DDB2: variants seen among roughly 807,000 people sequenced by gnomAD.
DDB2 encodes damage specific DNA binding protein 2, also known as DNA damage-binding protein 2.
DDB2 carries 27 observed loss-of-function variants against 50.5 expected under a neutral mutation model. The ratio of observed to expected loss-of-function variants is 0.53; its 90% CI spans 0.39 to 0.74. DDB2 has a LOEUF of 0.74. DDB2 is among the 30% of genes least tolerant of loss of function. The pLI is 0.00. For missense variants in DDB2, 424 were observed against 545.6 expected (o/e 0.78, Z 2.22); for synonymous variants, 176 against 205.5 (o/e 0.86, Z 1.23).
intron 3 of DDB2, among the ~76,000 whole-genome samples, chr11:47,221,962 A>G (rs1337419383): frequency 1.3e-5 from 2 of 152,216 alleles, no homozygotes; most frequent in African/African-American, 2.4e-5. Flanking sequence ...GGCTATTCTC[A>G]GCCTATGGGG....
chr11:47,238,030 G>A lies in DDB2; in HGVS notation c.1188+29G>A, dbSNP rs1408685013. On this transcript the variant is annotated intron_variant, in intron 8 of 9. Coordinates refer to ENST00000256996, the MANE Select transcript of DDB2 (RefSeq NM_000107.3). The stretch of plus-strand genomic sequence containing the variant: ...AGGCTTGGGTCCTCAAATAATGATG[G>A]GAGGAAGCAGGGATTCAACCTACCT... 5.6e-6 allele frequency: 9 copies of A among 1,613,734 alleles called. No homozygotes were observed. In the East Asian group the frequency reaches 1.6e-4, roughly 28 times the overall value.
At chr11:47,223,556 G>A (rs1245823897) in intron 3 of DDB2, among the ~76,000 whole-genome samples, 3 of 151,812 alleles carry the variant, frequency 2.0e-5, no homozygotes, top group African/African-American at 7.3e-5. Context: ...CGAGGCAGGC[G>A]GATCACGAGA....
At position 47,235,376 on chromosome 11, in the gene DDB2, C is replaced by T. The variant is rs1953711900; in HGVS notation, c.987C>T (p.His329=). ...QWDCPLGLIP[H]PHRHFQHLTP... ...ACTGCCCCCTGGGCCTGATCCCGCA[C>T]CCTCACCGTCACTTCCAGCACCTCA... Residue 329 remains histidine (H), a synonymous_variant, in exon 7 of 10, where the codon CAC becomes CAT. Coordinates refer to ENST00000256996, the MANE Select transcript of DDB2 (RefSeq NM_000107.3). The T allele has an allele frequency of 1.2e-6, 2 of 1,613,780 alleles. No individual in the cohort carries two copies. The highest frequency in any genetic ancestry group is 1.7e-5 in the Admixed American group (1 of 60,032).
At chr11:47,229,501 G>A (rs954790353) in intron 3 of DDB2, among the ~76,000 whole-genome samples, 7 of 152,156 alleles carry the variant, frequency 4.6e-5, no homozygotes, top group Admixed American at 1.3e-4. Context: ...TAAGGAAGAC[G>A]TGCATTTGGG....
rs4647753 is a variant in DDB2, at chr11:47,235,178, G to A, written c.881-92G>A. 1.6e-5 allele frequency: 24 copies of A among 1,545,336 alleles called. No individual in the cohort carries two copies. The African/African-American group carries it at 2.9e-4, about 18-fold the overall frequency. On this transcript the variant is annotated intron_variant, in intron 6 of 9. Transcript: ENST00000256996. ...TCCGCTCCTGTCTAGAGAGGAGTGGGAGGGAGAGTACCCCTGCAGGAGAAG... is the reference window on the plus strand; with the variant it reads ...TCCGCTCCTGTCTAGAGAGGAGTGGAAGGGAGAGTACCCCTGCAGGAGAAG...
chr11:47,237,071 T>C (rs1331317542), intron 7 of DDB2, among the ~76,000 whole-genome samples: 5 of 152,210 alleles, frequency 3.3e-5, no homozygotes, highest in African/African-American at 1.2e-4. Flanking sequence ...TCCTTCTCTT[T>C]TTTAGCCATT....
chr11:47,226,686 G>C (rs1454252092), intron 3 of DDB2, among the ~76,000 whole-genome samples: 2 of 150,500 alleles, frequency 1.3e-5, no homozygotes, highest in Admixed American at 1.3e-4. Context: ...TGTGCTTCTT[G>C]GCCATTTGTA....
rs879170628 is a variant in DDB2 at position 47,216,860 on chromosome 11, G to A, written c.267G>A (p.Gly89=). ...GRASWPSVQQ[G]LQQSFLHTLD... is the part of the protein sequence containing the mutation. ...TAATTCATTTCTCTCTGTGGCAGGGGCTCCAGCAGTCCTTTTTGCACACTC... is the reference window on the plus strand; with the variant it reads ...TAATTCATTTCTCTCTGTGGCAGGGACTCCAGCAGTCCTTTTTGCACACTC... The change falls in exon 3 of 10, where the codon GGG becomes GGA. Residue 89 remains glycine (G), a splice_region_variant and synonymous_variant. Transcript: ENST00000256996. 8.1e-6 allele frequency: 13 copies of A among 1,613,840 alleles called. No individual in the cohort carries two copies. The South Asian group carries it at 1.4e-4, about 18-fold the overall frequency.
Position 47,225,597 on chromosome 11 carries a change from TA to T in DDB2, c.457-7205del, listed in dbSNP as rs199967513. The stretch of plus-strand genomic sequence containing the variant: ...ACAGAGCGAGACTCCATCTCTATTT[TA>T]AAAAAAAAAAACAAAAAACTGGTAG... On this transcript the variant is annotated intron_variant, in intron 3 of 9. Coordinates refer to ENST00000256996, the MANE Select transcript of DDB2 (RefSeq NM_000107.3). Among the ~76,000 whole-genome samples, 125 of 141,266 alleles carry T rather than the reference TA, an allele frequency of 8.8e-4. 1 individual carries two copies. Among genetic ancestry groups the T allele is most frequent in the East Asian group, 5.5e-3 (27 of 4,878 alleles). The allele number at this position is 141,266 out of a possible 152,430, so 92.7% of individuals were successfully genotyped here.
At chr11:47,222,749 C>T (rs1424879979) in intron 3 of DDB2, among the ~76,000 whole-genome samples, 4 of 152,168 alleles carry the variant, frequency 2.6e-5, no homozygotes, top group Admixed American at 2.0e-4. Flanking sequence ...TGAACATTCA[C>T]GTACAAGTAT....
chr11:47,227,099 CTTTTTTTTT>C (rs34243882), intron 3 of DDB2, among the ~76,000 whole-genome samples: 2 of 32,122 alleles, frequency 6.2e-5, no homozygotes, highest in South Asian at 1.7e-3. Flanking sequence ...GGATATTAAC[CTTTTTTTTT>C]TTTTTTTTTT....
intron 3 of DDB2, among the ~76,000 whole-genome samples, chr11:47,223,430 C>T (rs4647718): frequency 0.033 from 4,962 of 151,608 alleles, 117 homozygotes; most frequent in South Asian, 0.12. Flanking sequence ...TTGCAGTGAG[C>T]CGAGATGGTG....
Position 47,235,378 on chromosome 11 carries a change from C to T in DDB2, c.989C>T (p.Pro330Leu). 1 of 1,613,698 alleles carries T rather than the reference C, an allele frequency of 6.2e-7. No homozygotes were observed. The highest frequency in any genetic ancestry group is 8.5e-7 in the Non-Finnish European group (1 of 1,180,046). ...TGCCCCCTGGGCCTGATCCCGCACC[C>T]TCACCGTCACTTCCAGCACCTCACA... ...WDCPLGLIPHPHRHFQHLTPI... is the reference protein window; with the variant it reads ...WDCPLGLIPHLHRHFQHLTPI... The change falls in exon 7 of 10, where the codon CCT (proline) becomes CTT (leucine). Residue 330 changes from proline (P) to leucine (L), a missense_variant. Transcript: ENST00000256996.
At chr11:47,221,467 C>T (rs1953484115) in intron 3 of DDB2, among the ~76,000 whole-genome samples, 1 of 151,908 alleles carries the variant, frequency 6.6e-6, no homozygotes, top group African/African-American at 2.4e-5. Context: ...TTTTTTAAGA[C>T]AGAGTTTCAC....
intron 3 of DDB2, among the ~76,000 whole-genome samples, chr11:47,231,834 A>G (rs1045594538): frequency 1.3e-5 from 2 of 152,088 alleles, no homozygotes; most frequent in African/African-American, 4.8e-5. Context: ...GGGCAAAACA[A>G]TAGTGATGGA....
At chr11:47,235,457 T>C (rs199875336) in intron 7 of DDB2, 45 bp downstream of exon 7, 4 of 1,592,024 alleles carry the variant, frequency 2.5e-6, no homozygotes, top group Non-Finnish European at 3.4e-6. Flanking sequence ...GCTGTGATCA[T>C]GAGGCCGGAG....
chr11:47,235,517 A>G (rs1591001759), intron 7 of DDB2, 105 bp downstream of exon 7: 1 of 1,272,362 alleles, frequency 7.9e-7, no homozygotes, highest in Non-Finnish European at 1.1e-6. Flanking sequence ...CTGCCACCCC[A>G]GATCGCTCCT....
chr11:47,219,733 C>G (rs1288706607), intron 3 of DDB2, among the ~76,000 whole-genome samples: 2 of 152,100 alleles, frequency 1.3e-5, no homozygotes, highest in Admixed American at 6.6e-5. Flanking sequence ...ATTTTTCTAG[C>G]TCTGGTTTAA....
Position 47,230,905 on chromosome 11 carries a change from G to C in DDB2, c.457-1909G>C, listed in dbSNP as rs4647733. On this transcript the variant is annotated intron_variant, in intron 3 of 9. Coordinates refer to ENST00000256996, the MANE Select transcript of DDB2 (RefSeq NM_000107.3). ...GGAAGCCGAGGCAGGCCAATCACCT[G>C]AGGTCAGGAGTTCGAGACCAGCCTG... Among the ~76,000 whole-genome samples, 1,102 of 152,208 alleles carry C rather than the reference G, an allele frequency of 7.2e-3. 10 individuals are homozygous for C. The highest frequency in any genetic ancestry group is 0.012 in the Non-Finnish European group (833 of 68,008).
Sources: gnomAD v4.1 joint callset for allele counts (sites outside exome capture counted in the v4.1 genomes callset) on GRCh38, gnomAD v4.1.1 for gene constraint, MANE v1.5 for transcripts, NCBI Gene and HGNC (gene_info 2026-07-23, HGNC 2026-07-21) for gene names.